The following ITIH2 variants were observed in gnomAD, a reference collection of about 807,000 sequenced individuals.
ITIH2 encodes inter-alpha-trypsin inhibitor heavy chain H2.
In ITIH2, 103 loss-of-function variants were observed where a neutral mutation model predicts 104.4. That is an observed-to-expected ratio of 0.99 (90% CI 0.84 to 1.16). The LOEUF (loss-of-function observed/expected upper bound fraction) is 1.16. Among genes scored for constraint, ITIH2 ranks in the 50% most tolerant of loss-of-function variants. The pLI, the probability that ITIH2 is intolerant of heterozygous loss-of-function variation, is 0.00. For missense variants in ITIH2, 1,108 were observed against 1,162.4 expected, an observed-to-expected ratio of 0.95 and a Z score of 0.68; for synonymous variants, 436 against 435.4, an observed-to-expected ratio of 1.00 and a Z score of -0.02.
rs770447604 is a variant in ITIH2, at chr10:7,713,232, C to T, written c.414C>T (p.Gly138=). The T allele has an allele frequency of 6.8e-6, 11 of 1,614,184 alleles. No individual in the cohort carries two copies. The South Asian group carries it at 9.9e-5, about 15-fold the overall frequency. Residue 138 remains glycine (G), a synonymous_variant, in exon 5 of 21, where the codon GGC becomes GGT. Coordinates refer to ENST00000358415, the MANE Select transcript of ITIH2 (RefSeq NM_002216.3). ...GCTCTATTAAGGAGAAAACTGTGGG[C>T]CGAGCTCTTTATGCACAGGCCAGAG... is the stretch of plus-strand genomic sequence containing the variant. ...FRSSIKEKTV[G]RALYAQARAK...
Position 7,730,463 on chromosome 10 carries a change from C to T in ITIH2, c.1461+330C>T, listed in dbSNP as rs73623119. Among the ~76,000 whole-genome samples, 805 of 152,274 alleles carry T rather than the reference C, an allele frequency of 5.3e-3. 5 individuals carry two copies. Among genetic ancestry groups the T allele is most frequent in the African/African-American group, 0.019 (777 of 41,542 alleles). On this transcript the variant is annotated intron_variant, in intron 12 of 20. Transcript: ENST00000358415. ...TGGTCTTCTTATCATCATGGCCAAC[C>T]GTTTTCTCTTTAACGTGCATTGGCA...
At chr10:7,708,162 A>C (rs1834764659) in intron 3 of ITIH2, among the ~76,000 whole-genome samples, 1 of 152,250 alleles carries the variant, frequency 6.6e-6, no homozygotes, top group East Asian at 1.9e-4. Context: ...GTTGGACTAC[A>C]AAGTTTGGGG....
intron 6 of ITIH2, 64 bp from the exon 7 acceptor site, chr10:7,720,792 C>A (rs982773990): frequency 1.6e-5 from 16 of 1,026,098 alleles, no homozygotes; most frequent in Non-Finnish European, 2.3e-5. Context: ...TGTAATTTTA[C>A]TTCTTGCTTA....
At position 7,727,754 on chromosome 10, in the gene ITIH2, C is replaced by A. The variant is rs1275193012; in HGVS notation, c.1205C>A (p.Ala402Asp). 5.6e-6 allele frequency: 9 copies of A among 1,613,782 alleles called. No homozygotes were observed. Among genetic ancestry groups the A allele is most frequent in the Non-Finnish European group, 7.6e-6 (9 of 1,179,768 alleles). Reference protein sequence around the residue: ...LLRAIFILNEANNLGLLDPNS... With the variant: ...LLRAIFILNEDNNLGLLDPNS... ...CGGGCAATCTTCATTTTGAATGAAG[C>A]CAATAACTTGGGACTGTTAGACCCC... Residue 402 changes from alanine to aspartate, a missense_variant, in exon 11 of 21, where the codon GCC becomes GAC. By Grantham distance (126) the Ala-to-Asp change is moderately radical. Transcript: ENST00000358415.
chr10:7,733,452 G>A (rs546051701), intron 14 of ITIH2, among the ~76,000 whole-genome samples: 3 of 152,220 alleles, frequency 2.0e-5, no homozygotes, highest in South Asian at 4.1e-4. Flanking sequence ...GATTATTAAC[G>A]ATTATGGTGT....
intron 14 of ITIH2, among the ~76,000 whole-genome samples, chr10:7,734,024 A>G (rs1416346014): frequency 1.3e-5 from 2 of 152,042 alleles, no homozygotes; most frequent in East Asian, 1.9e-4. Context: ...AACAATTCCT[A>G]TAAAAAGATC....
intron 5 of ITIH2, among the ~76,000 whole-genome samples, chr10:7,714,156 ACACT>A (rs1834823767): frequency 6.9e-6 from 1 of 145,932 alleles, no homozygotes; most frequent in African/African-American, 2.6e-5. Context: ...CTTGCACTGC[ACACT>A]CACTATTTTT....
At chr10:7,717,488 G>A in intron 5 of ITIH2, 138 bp from the exon 6 acceptor site, 6 of 716,994 alleles carry the variant, frequency 8.4e-6, no homozygotes, top group Admixed American at 6.5e-5. Context: ...CTTATCTCTA[G>A]TGTACCTACT....
At chr10:7,723,048 AGTGGCATGGAGTGGAGTGGAGCAGC>A (rs1167587262) in intron 8 of ITIH2, among the ~76,000 whole-genome samples, 8 of 143,724 alleles carry the variant, frequency 5.6e-5, no homozygotes, top group African/African-American at 1.9e-4. Flanking sequence ...GGTGAAGTGA[AGTGGCATGGAGTGGAGTGGAGCAGC>A]GTGGCGTGGA....
rs1344809292 is a variant in ITIH2 at position 7,703,488 on chromosome 10, C to T, written c.54C>T (p.Gly18=). Reference sequence around the variant, plus strand: ...GCTTCTTTCTTTCTGAAGTATCAGGCTTCGAAATCCCCATAAATGGACTTT... The same window carrying T: ...GCTTCTTTCTTTCTGAAGTATCAGGTTTCGAAATCCCCATAAATGGACTTT... ...FICFFLSEVS[G]FEIPINGLSE... Residue 18 remains glycine (G), a synonymous_variant, in exon 1 of 21, where the codon GGC becomes GGT. Coordinates refer to ENST00000358415, the MANE Select transcript of ITIH2 (RefSeq NM_002216.3). 2.5e-6 allele frequency: 4 copies of T among 1,613,344 alleles called. No individual in the cohort carries two copies. Among genetic ancestry groups the T allele is most frequent in the East Asian group, 4.5e-5 (2 of 44,870 alleles).
chr10:7,736,500 T>C (rs1234040165), intron 15 of ITIH2, among the ~76,000 whole-genome samples: 1 of 152,092 alleles, frequency 6.6e-6, no homozygotes, highest in Admixed American at 6.6e-5. Flanking sequence ...CACTTATCTA[T>C]AAGAAAAAAA....
chr10:7,738,236 T>A, intron 15 of ITIH2, among the ~76,000 whole-genome samples: 1 of 114,618 alleles, frequency 8.7e-6, no homozygotes, highest in Admixed American at 1.2e-4. Context: ...TATTATATAT[T>A]ATATTCTATA....
chr10:7,730,202 G>A, intron 12 of ITIH2, 69 bp downstream of exon 12: 4 of 1,149,788 alleles, frequency 3.5e-6, no homozygotes, highest in Non-Finnish European at 5.0e-6. Context: ...TCTGATGCAG[G>A]TATGATGCAT....
At chr10:7,745,916 A>G (rs1279269217) in intron 19 of ITIH2, among the ~76,000 whole-genome samples, 3 of 150,684 alleles carry the variant, frequency 2.0e-5, no homozygotes, top group Non-Finnish European at 3.0e-5. Flanking sequence ...CACCACGCCC[A>G]GCTAATTTTG....
intron 12 of ITIH2, among the ~76,000 whole-genome samples, chr10:7,731,155 T>G (rs1224257239): frequency 6.6e-5 from 10 of 152,086 alleles, no homozygotes; most frequent in Non-Finnish European, 1.2e-4. Flanking sequence ...TGAACTCAGG[T>G]GATCCGCCTG....
intron 20 of ITIH2, among the ~76,000 whole-genome samples, chr10:7,747,289 T>G (rs780996805): frequency 2.6e-5 from 4 of 152,224 alleles, no homozygotes; most frequent in Non-Finnish European, 4.4e-5. Context: ...GCTTACCCCT[T>G]TTTAGAGTTT....
At position 7,749,379 on chromosome 10, in the gene ITIH2, C is replaced by A; in HGVS notation, c.*45C>A. The A allele has an allele frequency of 6.7e-7, 1 of 1,491,104 alleles. No homozygotes were observed. The highest frequency in any genetic ancestry group is 2.3e-5 in the East Asian group (1 of 43,858). 92.4% of individuals were successfully genotyped at this position (1,491,104 alleles called of 1,614,324 possible). Reference sequence around the variant, plus strand: ...TTATATATATTAATATACATCTTTCCCCTGTCACTTTTGCAGATATTCTTC... The same window carrying A: ...TTATATATATTAATATACATCTTTCACCTGTCACTTTTGCAGATATTCTTC... On this transcript the variant is annotated 3_prime_UTR_variant, in exon 21 of 21. Coordinates refer to ENST00000358415, the MANE Select transcript of ITIH2 (RefSeq NM_002216.3).
At chr10:7,713,453 A>C in intron 5 of ITIH2, 168 bp downstream of exon 5, 1 of 589,062 alleles carries the variant, frequency 1.7e-6, no homozygotes, top group Non-Finnish European at 3.0e-6. Context: ...CTATTCGCCT[A>C]AAGGTCCCTC....
chr10:7,723,065 T>A (rs1006337808), intron 8 of ITIH2, among the ~76,000 whole-genome samples: 2 of 144,202 alleles, frequency 1.4e-5, no homozygotes, highest in African/African-American at 5.3e-5. Flanking sequence ...TGGAGTGGAG[T>A]GGAGCAGCGT....
Sources: gnomAD v4.1 joint callset for allele counts (sites outside exome capture counted in the v4.1 genomes callset) on GRCh38, gnomAD v4.1.1 for gene constraint, MANE v1.5 for transcripts, NCBI Gene and HGNC (gene_info 2026-07-23, HGNC 2026-07-21) for gene names.